IGFL3: variants seen among roughly 807,000 people sequenced by gnomAD.
IGFL3 encodes IGF like family member 3, also known as insulin growth factor-like family member 3.
In IGFL3, 12 loss-of-function variants were observed where a neutral mutation model predicts 17.0. The ratio of observed to expected loss-of-function variants is 0.71; its 90% CI spans 0.45 to 1.14. The LOEUF (loss-of-function observed/expected upper bound fraction) is 1.14, where lower values mean the gene tolerates loss of function less well. IGFL3 is among the 50% of genes most tolerant of loss of function. The pLI is 0.00. For synonymous variants in IGFL3, 52 were observed against 57.4 expected, an observed-to-expected ratio of 0.91 and a Z score of 0.42; for missense variants, 153 against 151.6, an observed-to-expected ratio of 1.01 and a Z score of -0.05.
chr19:46,122,261 T>A (rs1971816532), intron 3 of IGFL3, among the ~76,000 whole-genome samples: 1 of 151,002 alleles, frequency 6.6e-6, no homozygotes, highest in African/African-American at 2.5e-5. Context: ...GCACAAAACA[T>A]CTTTAGCCAG....
intron 3 of IGFL3, among the ~76,000 whole-genome samples, chr19:46,120,827 G>A: frequency 6.6e-6 from 1 of 150,822 alleles, no homozygotes. Context: ...TCTTACCACA[G>A]AAAAATGAGA....
chr19:46,124,661 T>C lies in IGFL3; in HGVS notation c.-12A>G. The C allele has an allele frequency of 6.2e-7, 1 of 1,607,606 alleles. No homozygotes were observed. The highest frequency in any genetic ancestry group is 8.5e-7 in the Non-Finnish European group (1 of 1,176,472). On this transcript the variant is annotated 5_prime_UTR_variant, in exon 1 of 4. Transcript: ENST00000341415. ...CATCGTGGCCTCATGCTTCCAAAGATGCTCTAGGAGAATTGAAGAAGAGTG... is the reference window on the plus strand; with the variant it reads ...CATCGTGGCCTCATGCTTCCAAAGACGCTCTAGGAGAATTGAAGAAGAGTG...
chr19:46,123,072 G>A (rs911800739), intron 3 of IGFL3, among the ~76,000 whole-genome samples: 1 of 150,840 alleles, frequency 6.6e-6, no homozygotes, highest in Non-Finnish European at 1.5e-5. Context: ...CTAAAGATTG[G>A]TATACCACCA....
Position 46,120,231 on chromosome 19 carries a change from T to C in IGFL3, c.*99A>G, listed in dbSNP as rs1348491972. 8 of 1,557,420 alleles carry C rather than the reference T, an allele frequency of 5.1e-6. 1 individual carries two copies. The East Asian group carries it at 1.9e-4, about 37-fold the overall frequency. On this transcript the variant is annotated 3_prime_UTR_variant, in exon 4 of 4. Coordinates refer to ENST00000341415, the MANE Select transcript of IGFL3 (RefSeq NM_207393.2). ...ATGTCATTGAGCCATCCCTCTGAAG[T>C]CAAGTTGCTTCTCTCCGAAGTTCAA...
chr19:46,124,237 C>G (rs1568405931), intron 2 of IGFL3, 31 bp downstream of exon 2: 1 of 1,609,206 alleles, frequency 6.2e-7, no homozygotes, highest in Admixed American at 1.7e-5. Flanking sequence ...ACCACCTCTT[C>G]CCTCCTCATT....
At position 46,124,330 on chromosome 19, in the gene IGFL3, G is replaced by C; in HGVS notation, c.26-9C>G. 2 of 1,606,924 alleles carry C rather than the reference G, an allele frequency of 1.2e-6. No homozygotes were observed. Among genetic ancestry groups the C allele is most frequent in the South Asian group, 2.2e-5 (2 of 90,698 alleles). On this transcript the variant is annotated splice_polypyrimidine_tract_variant and intron_variant, in intron 1 of 3. Coordinates refer to ENST00000341415, the MANE Select transcript of IGFL3 (RefSeq NM_207393.2). ...TATCCAGCAGACAAGAGCTAAGGGA[G>C]AAAGGAAAAAGGTTGAACATGGAGC...
At position 46,124,028 on chromosome 19, in the gene IGFL3, C is replaced by T; in HGVS notation, c.208G>A (p.Gly70Ser). Residue 70 changes from glycine (G) to serine (S), a missense_variant, in exon 3 of 4, where the codon GGC becomes AGC. Gly to Ser is a moderately conservative substitution (Grantham distance 56). Coordinates refer to ENST00000341415, the MANE Select transcript of IGFL3 (RefSeq NM_207393.2). ...CAGGGCCAGAAGGTGCAGGTGGAGC[C>T]ACAGCGGCGGGTCTCCTTTAAGGAT... Reference protein sequence around the residue: ...ILSLKETRRCGSTCTFWPCFE... With the variant: ...ILSLKETRRCSSTCTFWPCFE... 2 of 1,611,486 alleles carry T rather than the reference C, an allele frequency of 1.2e-6. No homozygotes were observed. The highest frequency in any genetic ancestry group is 1.7e-6 in the Non-Finnish European group (2 of 1,179,670).
At chr19:46,124,378 AAAACAAAC>A in intron 1 of IGFL3, 57 bp from the exon 2 acceptor site, 10 of 1,525,148 alleles carry the variant, frequency 6.6e-6, no homozygotes, top group Non-Finnish European at 9.1e-6. Context: ...AAGTATGGAA[AAAACAAAC>A]AAACAAACAA....
intron 3 of IGFL3, among the ~76,000 whole-genome samples, 195 bp downstream of exon 3, chr19:46,123,691 G>GGA (rs1221286408): frequency 6.6e-6 from 1 of 150,788 alleles, no homozygotes; most frequent in Non-Finnish European, 1.5e-5. Context: ...TATTTATGCA[G>GGA]GAGGACTGTT....
rs1376066772 is a variant in IGFL3 at position 46,124,252 on chromosome 19, C to T, written c.79+16G>A. The T allele has an allele frequency of 6.2e-7, 1 of 1,609,884 alleles. No homozygotes were observed. Among genetic ancestry groups the T allele is most frequent in the Non-Finnish European group, 8.5e-7 (1 of 1,178,554 alleles). On this transcript the variant is annotated intron_variant, in intron 2 of 3. Coordinates refer to ENST00000341415, the MANE Select transcript of IGFL3 (RefSeq NM_207393.2). ...ACCACCTCTTCCCTCCTCATTTTTC[C>T]CTGTCCTGTCCTTACCTGTAGTTCC...
rs374416392 is a variant in IGFL3, at chr19:46,123,852, T to C, written c.350+34A>G. ...CTCTGTATCCCTCATCCCTCCCTCA[T>C]TCCTTTAGTTAAGAGCAAGGTAGGG... On this transcript the variant is annotated intron_variant, in intron 3 of 3. Coordinates refer to ENST00000341415, the MANE Select transcript of IGFL3 (RefSeq NM_207393.2). 3.2e-6 allele frequency: 5 copies of C among 1,572,794 alleles called. No homozygotes were observed. In the African/African-American group the frequency reaches 6.9e-5, roughly 22 times the overall value.
intron 2 of IGFL3, 34 bp from the exon 3 acceptor site, chr19:46,124,190 A>C (rs1213646778): frequency 6.2e-7 from 1 of 1,610,048 alleles, no homozygotes; most frequent in East Asian, 2.3e-5. Context: ...ACATCCAAGG[A>C]AGAACAGATA....
intron 3 of IGFL3, among the ~76,000 whole-genome samples, chr19:46,120,713 G>T (rs1971712484): frequency 6.6e-6 from 1 of 150,908 alleles, no homozygotes; most frequent in Non-Finnish European, 1.5e-5. Flanking sequence ...TTACCAAGGA[G>T]ATACAGATAT....
chr19:46,124,549 G>A, intron 1 of IGFL3, 76 bp downstream of exon 1: 1 of 1,353,024 alleles, frequency 7.4e-7, no homozygotes, highest in African/African-American at 1.5e-5. Flanking sequence ...AGATAAAGAG[G>A]AATAAATCGG....
intron 3 of IGFL3, among the ~76,000 whole-genome samples, chr19:46,121,542 A>G (rs1253411761): frequency 6.6e-6 from 1 of 150,658 alleles, no homozygotes; most frequent in Non-Finnish European, 1.5e-5. Flanking sequence ...CTGTGGAGAA[A>G]GAAAAATTGA....
Position 46,123,911 on chromosome 19 carries a change from A to T in IGFL3, c.325T>A (p.Ser109Thr). The change falls in exon 3 of 4, where the codon TCT becomes ACT. Residue 109 changes from serine (S) to threonine (T), a missense_variant. By Grantham distance (58) the Ser-to-Thr change is moderately conservative. Transcript: ENST00000341415. ...CTGGTACAGCTCCGGGAGATGGGAG[A>T]TAAGTGACACTGAGACTTCATACCC... ...VLGMKSQCHL[S>T]PISRSCTRNR... 1 of 1,611,072 alleles carries T rather than the reference A, an allele frequency of 6.2e-7. No homozygotes were observed. Among genetic ancestry groups the T allele is most frequent in the Non-Finnish European group, 8.5e-7 (1 of 1,179,524 alleles).
rs974396172 is a variant in IGFL3, at chr19:46,121,429, C to G, written c.351-1072G>C. Among the ~76,000 whole-genome samples the G allele has an allele frequency of 7.5e-5, 11 of 147,360 alleles. 1 individual carries two copies. The highest frequency in any genetic ancestry group is 2.8e-4 in the African/African-American group (11 of 39,304). On this transcript the variant is annotated intron_variant, in intron 3 of 3. Transcript: ENST00000341415. The stretch of plus-strand genomic sequence containing the variant: ...AAAAAAGAAGAAGAAAAGAAAATTT[C>G]TAAGATTTTCCTCCCATCCTACTTA...
chr19:46,122,271 G>C lies in IGFL3; in HGVS notation c.350+1615C>G, dbSNP rs377672671. ...AATTTGCACAAAACATCTTTAGCCA[G>C]GGTAAGGTTTTAGAAACTATCTTAA... On this transcript the variant is annotated intron_variant, in intron 3 of 3. Coordinates refer to ENST00000341415, the MANE Select transcript of IGFL3 (RefSeq NM_207393.2). Among the ~76,000 whole-genome samples the C allele has an allele frequency of 4.6e-4, 69 of 151,110 alleles. 1 individual carries two copies. The South Asian group carries it at 0.014, about 31-fold the overall frequency.
intron 3 of IGFL3, among the ~76,000 whole-genome samples, chr19:46,123,401 A>G (rs1379723943): frequency 6.6e-6 from 1 of 151,052 alleles, no homozygotes; most frequent in Non-Finnish European, 1.5e-5. Context: ...TTCATACAAT[A>G]CTTAGACTCT....
Sources: gnomAD v4.1 joint callset for allele counts (sites outside exome capture counted in the v4.1 genomes callset) on GRCh38, gnomAD v4.1.1 for gene constraint, MANE v1.5 for transcripts, NCBI Gene and HGNC (gene_info 2026-07-23, HGNC 2026-07-21) for gene names.